VAV2: variants seen among roughly 807,000 people sequenced by gnomAD.
VAV2 encodes the protein guanine nucleotide exchange factor VAV2.
VAV2 carries 67 observed loss-of-function variants against 132.5 expected under a neutral mutation model. The ratio of observed to expected loss-of-function variants is 0.51; its 90% CI spans 0.42 to 0.62. The LOEUF (loss-of-function observed/expected upper bound fraction) is 0.62. Among genes scored for constraint, VAV2 ranks in the 20% least tolerant of loss-of-function variants. The pLI, the probability that VAV2 is intolerant of heterozygous loss-of-function variation, is 0.00. For missense variants in VAV2, 938 were observed against 1,153.6 expected (o/e 0.81, Z 2.71); for synonymous variants, 492 against 443.5 (o/e 1.11, Z -1.37).
chr9:133,834,214 C>T lies in VAV2; in HGVS notation c.449+58G>A, dbSNP rs1836371651. 3 of 1,556,786 alleles carry T rather than the reference C, an allele frequency of 1.9e-6. No individual in the cohort carries two copies. Among genetic ancestry groups the T allele is most frequent in the Non-Finnish European group, 1.7e-6 (2 of 1,147,260 alleles). On this transcript the variant is annotated intron_variant, in intron 4 of 29. Coordinates refer to ENST00000371850, the MANE Select transcript of VAV2 (RefSeq NM_001134398.2). The surrounding 1 kb of genome is among the most constrained non-coding windows in gnomAD (Gnocchi z 5.9). ...TTTCCTCCTGACTCCCTGGACACCA[C>T]CAGGAACCTCCCTGCCCCTCCCTCC...
At chr9:133,865,027 C>T (rs1837745435) in intron 2 of VAV2, among the ~76,000 whole-genome samples, 1 of 152,222 alleles carries the variant, frequency 6.6e-6, no homozygotes, top group South Asian at 2.1e-4. Flanking sequence ...AAGCTCTATG[C>T]TGCAGGTTCA....
chr9:133,980,510 C>T (rs759169731), intron 1 of VAV2, among the ~76,000 whole-genome samples: 7 of 152,210 alleles, frequency 4.6e-5, no homozygotes, highest in Non-Finnish European at 8.8e-5. Context: ...CTGCCCCCGA[C>T]CCTGACACCG....
At chr9:133,978,668 C>G (rs1842594947) in intron 1 of VAV2, among the ~76,000 whole-genome samples, 2 of 152,252 alleles carry the variant, frequency 1.3e-5, no homozygotes, top group African/African-American at 2.4e-5. Context: ...AAAACAGAAA[C>G]ACTGTTTCCA....
intron 2 of VAV2, among the ~76,000 whole-genome samples, chr9:133,862,452 T>C (rs551453832): frequency 6.6e-6 from 1 of 152,316 alleles, no homozygotes; most frequent in East Asian, 1.9e-4. Flanking sequence ...GGCCTCGACA[T>C]TGAAATCGCA....
intron 13 of VAV2, 120 bp from the exon 14 acceptor site, chr9:133,789,463 C>T (rs570033614): frequency 1.1e-5 from 10 of 892,164 alleles, no homozygotes; most frequent in South Asian, 9.1e-5. Context: ...AGAGGCGGGA[C>T]GAAGGGAAAC....
chr9:133,897,620 G>GC (rs1050289642), intron 2 of VAV2, among the ~76,000 whole-genome samples: 3 of 151,980 alleles, frequency 2.0e-5, no homozygotes, highest in African/African-American at 4.8e-5. Flanking sequence ...AGCAACACAG[G>GC]CCCCCCTCTG....
chr9:133,762,995 G>C lies in VAV2; in HGVS notation c.*1067C>G, dbSNP rs1348671770. 1.3e-5 allele frequency: 2 copies of C among 152,684 alleles called. No individual in the cohort carries two copies. Among genetic ancestry groups the C allele is most frequent in the Non-Finnish European group, 2.9e-5 (2 of 68,112 alleles). 9.5% of individuals were successfully genotyped at this position (152,684 alleles called of 1,614,324 possible). A position where few individuals can be genotyped will look rare whatever the true frequency, so the allele number is the denominator to read the frequency against. On this transcript the variant is annotated 3_prime_UTR_variant, in exon 30 of 30. Transcript: ENST00000371850. This position sits in a 1 kb window ranked among gnomAD's most constrained non-coding sequence, Gnocchi z 5.0. Reference sequence around the variant, plus strand: ...AAGTCGAAGGCCAGGAGTTGTGGCTGGGGGAGGTAATGGGGTAGAGCCACC... The same window carrying C: ...AAGTCGAAGGCCAGGAGTTGTGGCTCGGGGAGGTAATGGGGTAGAGCCACC...
chr9:133,990,360 A>C (rs942594140), intron 1 of VAV2, among the ~76,000 whole-genome samples: 3 of 152,276 alleles, frequency 2.0e-5, no homozygotes, highest in Non-Finnish European at 1.5e-5. Flanking sequence ...AGACCCCAGG[A>C]AGTCTCTGGC....
In VAV2 at chr9:133,761,995, G is replaced by C. The variant is rs1450197258; in HGVS notation, c.*2067C>G. 1.3e-5 allele frequency: 2 copies of C among 149,580 alleles called. No individual in the cohort carries two copies. Among genetic ancestry groups the C allele is most frequent in the South Asian group, 2.1e-4 (1 of 4,820 alleles). The allele number at this position is 149,580 out of a possible 1,614,324, so 9.3% of individuals were successfully genotyped here. A position where few individuals can be genotyped will look rare whatever the true frequency, so the allele number is the denominator to read the frequency against. On this transcript the variant is annotated 3_prime_UTR_variant, in exon 30 of 30. Coordinates refer to ENST00000371850, the MANE Select transcript of VAV2 (RefSeq NM_001134398.2). ...TGTCCATTTGGGGTTCCCGCCAGCT[G>C]GGGGGGCCCCCAGATCCCTGACCCA... is the stretch of plus-strand genomic sequence containing the variant.
intron 25 of VAV2, among the ~76,000 whole-genome samples, chr9:133,772,426 G>A (rs2131574656): frequency 6.6e-6 from 1 of 152,288 alleles, no homozygotes; most frequent in African/African-American, 2.4e-5. Flanking sequence ...ATCCTTCCCT[G>A]CATGTCCACT....
At chr9:133,867,888 C>T (rs73662311) in intron 2 of VAV2, among the ~76,000 whole-genome samples, 3,180 of 152,340 alleles carry the variant, frequency 0.021, 113 homozygotes, top group African/African-American at 0.071. Context: ...TCACAGCAGC[C>T]TCCAGCATCG....
rs146750703 is a variant in VAV2 at position 133,871,403 on chromosome 9, CGGAT to C, written c.322-9975_322-9972del. ...ATGGATGGATGAATAGATGGACGGA[CGGAT>C]GGATGGATGGATGGACAGATGGATG... On this transcript the variant is annotated intron_variant, in intron 2 of 29. Coordinates refer to ENST00000371850, the MANE Select transcript of VAV2 (RefSeq NM_001134398.2). Among the ~76,000 whole-genome samples the C allele has an allele frequency of 8.7e-3, 1,243 of 142,906 alleles. 10 individuals carry two copies. The highest frequency in any genetic ancestry group is 0.011 in the Non-Finnish European group (740 of 65,702). The allele number at this position is 142,906 out of a possible 152,430, so 93.8% of individuals were successfully genotyped here.
chr9:133,923,940 A>G (rs7847503), intron 2 of VAV2, among the ~76,000 whole-genome samples: 10,563 of 151,788 alleles, frequency 0.07, 719 homozygotes, highest in African/African-American at 0.17. Flanking sequence ...GAATTGAACA[A>G]TGAGAACACT....
At chr9:133,831,549 C>A (rs1004724142) in intron 4 of VAV2, among the ~76,000 whole-genome samples, 6 of 152,174 alleles carry the variant, frequency 3.9e-5, no homozygotes, top group South Asian at 2.1e-4. Context: ...CAGGGGCAGG[C>A]CTGGCCATGT....
chr9:133,786,637 C>T (rs755805082), intron 16 of VAV2, among the ~76,000 whole-genome samples: 1 of 152,262 alleles, frequency 6.6e-6, no homozygotes, highest in Non-Finnish European at 1.5e-5. Context: ...AGGCAGGGAA[C>T]AGCCATGGGC....
At chr9:133,830,217 T>A (rs1320597289) in intron 4 of VAV2, among the ~76,000 whole-genome samples, 1 of 152,194 alleles carries the variant, frequency 6.6e-6, no homozygotes, top group Non-Finnish European at 1.5e-5. Flanking sequence ...GTGACCTTCA[T>A]GTTGGGCATC....
chr9:133,786,355 GGTGCTCTCCTGTGT>G (rs758905112), intron 16 of VAV2, among the ~76,000 whole-genome samples: 2,527 of 107,504 alleles, frequency 0.024, 35 homozygotes, highest in East Asian at 0.033. Context: ...CTCTCCTGTG[GGTGCTCTCCTGTGT>G]GTGCTCTCCT....
At position 133,823,481 on chromosome 9, in the gene VAV2, T is replaced by C. The variant is rs536490053; in HGVS notation, c.449+10791A>G. On this transcript the variant is annotated intron_variant, in intron 4 of 29. Transcript: ENST00000371850. This position sits in a 1 kb window ranked among gnomAD's most constrained non-coding sequence, Gnocchi z 5.5. Reference sequence around the variant, plus strand: ...CCCAGCATGTGACGCTTGTTCATTTTAGAGCAATATTTCTTAAGTGCCACT... The same window carrying C: ...CCCAGCATGTGACGCTTGTTCATTTCAGAGCAATATTTCTTAAGTGCCACT... 2.8e-4 allele frequency among the ~76,000 whole-genome samples: 42 copies of C among 152,224 alleles called. No individual in the cohort carries two copies. The highest frequency in any genetic ancestry group is 5.4e-4 in the Non-Finnish European group (37 of 68,046).
chr9:133,793,256 C>T (rs889523361), intron 12 of VAV2, among the ~76,000 whole-genome samples: 4 of 151,956 alleles, frequency 2.6e-5, no homozygotes, highest in Non-Finnish European at 5.9e-5. Flanking sequence ...GCCACGTGGG[C>T]GGTCCTGGCC....
Sources: allele counts gnomAD v4.1 joint callset (sites outside exome capture counted in the v4.1 genomes callset), GRCh38; gene constraint gnomAD v4.1.1; non-coding constraint Gnocchi (gnomAD v3.1); transcripts MANE v1.5; gene names NCBI Gene and HGNC (gene_info 2026-07-23, HGNC 2026-07-21).